The following CKAP5 variants were observed in gnomAD, a reference collection of about 807,000 sequenced individuals.
CKAP5 encodes the protein cytoskeleton associated protein 5.
CKAP5 carries 27 observed loss-of-function variants against 232.8 expected under a neutral mutation model. That is an observed-to-expected ratio of 0.12 (90% CI 0.09 to 0.16). The LOEUF is 0.16. Ranked by LOEUF, CKAP5 falls within the 10% of genes least tolerant of loss-of-function variation. The pLI, the probability that CKAP5 is intolerant of heterozygous loss-of-function variation, is 1.00. For synonymous variants in CKAP5, 785 were observed against 841.1 expected (o/e 0.93, Z 1.16); for missense variants, 1,838 against 2,424.7 (o/e 0.76, Z 5.08).
intron 16 of CKAP5, among the ~76,000 whole-genome samples, chr11:46,786,978 C>T (rs1451806463): frequency 2.0e-5 from 3 of 152,126 alleles, no homozygotes; most frequent in Non-Finnish European, 4.4e-5. Context: ...TGAGATTACA[C>T]TTCATACTGT....
At chr11:46,791,139 TTAA>T (rs769552516) in intron 13 of CKAP5, among the ~76,000 whole-genome samples, 23 of 152,166 alleles carry the variant, frequency 1.5e-4, no homozygotes, top group Admixed American at 7.9e-4. Context: ...GAATTTAGAA[TTAA>T]TGAGATAAAT....
chr11:46,755,629 A>G (rs560138072), intron 35 of CKAP5, among the ~76,000 whole-genome samples: 13 of 151,868 alleles, frequency 8.6e-5, no homozygotes, highest in African/African-American at 2.9e-4. Flanking sequence ...AGTTCAGGGA[A>G]TAATAATCCT....
intron 12 of CKAP5, among the ~76,000 whole-genome samples, chr11:46,796,198 A>C (rs993267223): frequency 6.6e-6 from 1 of 151,494 alleles, no homozygotes; most frequent in Non-Finnish European, 1.5e-5. Context: ...ATTTTCAGAG[A>C]AAAAATTTCC....
intron 15 of CKAP5, 73 bp from the exon 16 acceptor site, chr11:46,788,846 CAAGT>C (rs2065421580): frequency 3.8e-6 from 4 of 1,054,170 alleles, no homozygotes; most frequent in Middle Eastern, 2.0e-4. Context: ...ATACCAAAGT[CAAGT>C]AAGTGGTTAC....
At chr11:46,767,918 T>C (rs766367223) in intron 26 of CKAP5, among the ~76,000 whole-genome samples, 20 of 151,532 alleles carry the variant, frequency 1.3e-4, no homozygotes, top group Admixed American at 3.3e-4. Context: ...TCAGCCTCCC[T>C]AGTAGCTGGG....
chr11:46,798,025 A>C, intron 10 of CKAP5, 56 bp from the exon 11 acceptor site: 1 of 1,605,230 alleles, frequency 6.2e-7, no homozygotes, highest in Admixed American at 1.7e-5. Flanking sequence ...AACAATCAAA[A>C]TATTATATTT....
In CKAP5 at chr11:46,816,153, T is replaced by C. The variant is rs768707210; in HGVS notation, c.458+45A>G. The C allele has an allele frequency of 4.6e-6, 7 of 1,511,496 alleles. 1 individual carries two copies. The highest frequency in any genetic ancestry group is 2.3e-5 in the South Asian group (2 of 87,350). 93.6% of individuals were successfully genotyped at this position (1,511,496 alleles called of 1,614,324 possible). ...AAACTGGTCCCTGGTGCCAAAAAGGTTGGGGACTGCTGCTCTAGTTAACAA... is the reference window on the plus strand; with the variant it reads ...AAACTGGTCCCTGGTGCCAAAAAGGCTGGGGACTGCTGCTCTAGTTAACAA... On this transcript the variant is annotated intron_variant, in intron 4 of 43. Coordinates refer to ENST00000529230, the MANE Select transcript of CKAP5 (RefSeq NM_001008938.4).
chr11:46,752,485 T>G, intron 38 of CKAP5, 150 bp downstream of exon 38: 1 of 504,218 alleles, frequency 2.0e-6, no homozygotes, highest in South Asian at 2.9e-5. Flanking sequence ...TAAAAATTTA[T>G]TAATATTTTT....
chr11:46,796,269 T>C (rs1003759886), intron 12 of CKAP5, among the ~76,000 whole-genome samples: 18 of 151,686 alleles, frequency 1.2e-4, no homozygotes, highest in Non-Finnish European at 1.8e-4. Flanking sequence ...ATACGTAAGA[T>C]ATTAATCTTA....
At chr11:46,773,548 CT>C (rs906668092) in intron 24 of CKAP5, among the ~76,000 whole-genome samples, 68 of 140,210 alleles carry the variant, frequency 4.8e-4, no homozygotes, top group East Asian at 1.5e-3. Context: ...TGCAACTGGA[CT>C]TTTTTTTTTT....
intron 1 of CKAP5, among the ~76,000 whole-genome samples, chr11:46,842,966 CA>C (rs60343444): frequency 0.19 from 7,342 of 39,514 alleles, 177 homozygotes; most frequent in East Asian, 0.46. Context: ...GACTCCGTCT[CA>C]AAAAAAAAAA....
rs748771459 is a variant in CKAP5, at chr11:46,763,191, A to G, written c.3688-12T>C. On this transcript the variant is annotated splice_polypyrimidine_tract_variant and intron_variant, in intron 29 of 43. Coordinates refer to ENST00000529230, the MANE Select transcript of CKAP5 (RefSeq NM_001008938.4). ...TCACTCTCCAAGTGCTTAAAATAAA[A>G]CAAAACAAAACTCCCACAAATAAGA... is the stretch of plus-strand genomic sequence containing the variant. 2 of 1,544,374 alleles carry G rather than the reference A, an allele frequency of 1.3e-6. No individual in the cohort carries two copies. The highest frequency in any genetic ancestry group is 1.4e-5 in the African/African-American group (1 of 72,014).
At position 46,784,521 on chromosome 11, in the gene CKAP5, G is replaced by A. The variant is rs72895824; in HGVS notation, c.2121C>T (p.Ala707=). The A allele has an allele frequency of 6.8e-3, 11,009 of 1,613,984 alleles. 53 individuals are homozygous for A. The highest frequency in any genetic ancestry group is 8.2e-3 in the Non-Finnish European group (9,622 of 1,179,920). The stretch of plus-strand genomic sequence containing the variant: ...CAGTCCATGGTAACATACAGGCTTC[G>A]GCTATTGCTGTCATAGCTTCTTTTG... ...NNAKEAMTAI[A]EACMLPWTAE... Residue 707 remains alanine (A), a synonymous_variant, in exon 17 of 44, where the codon GCC becomes GCT. Transcript: ENST00000529230.
chr11:46,805,879 G>A (rs1368546463), intron 8 of CKAP5, among the ~76,000 whole-genome samples: 2 of 152,206 alleles, frequency 1.3e-5, no homozygotes, highest in East Asian at 3.8e-4. Context: ...AGAGGTTGCA[G>A]TGAGCCGAGA....
intron 16 of CKAP5, among the ~76,000 whole-genome samples, chr11:46,786,026 A>G (rs1270385222): frequency 6.6e-6 from 1 of 152,194 alleles, no homozygotes; most frequent in Non-Finnish European, 1.5e-5. Context: ...CAAACCAAAA[A>G]ACAAACCAAA....
intron 1 of CKAP5, among the ~76,000 whole-genome samples, chr11:46,829,469 CAGAA>C (rs767945426): frequency 6.6e-6 from 1 of 152,168 alleles, no homozygotes; most frequent in East Asian, 1.9e-4. Flanking sequence ...TGCCTGAGCC[CAGAA>C]AGAGTGAGCC....
chr11:46,776,244 A>G lies in CKAP5; in HGVS notation c.2991+11T>C. 1 of 1,612,404 alleles carries G rather than the reference A, an allele frequency of 6.2e-7. No homozygotes were observed. The highest frequency in any genetic ancestry group is 8.5e-7 in the Non-Finnish European group (1 of 1,179,136). ...CATGAGTAATGCACATGATTAATTT[A>G]TGATACTAACCTCTTGCCTCAAGAA... On this transcript the variant is annotated intron_variant, in intron 24 of 43. Coordinates refer to ENST00000529230, the MANE Select transcript of CKAP5 (RefSeq NM_001008938.4).
intron 1 of CKAP5, 77 bp from the exon 2 acceptor site, chr11:46,821,345 A>T: frequency 1.6e-6 from 1 of 606,932 alleles, no homozygotes; most frequent in Non-Finnish European, 2.9e-6. Flanking sequence ...TGAGATTATT[A>T]TTTTATCATT....
At chr11:46,841,711 G>A (rs1940057930) in intron 1 of CKAP5, among the ~76,000 whole-genome samples, 1 of 152,056 alleles carries the variant, frequency 6.6e-6, no homozygotes, top group Non-Finnish European at 1.5e-5. Context: ...TTAAAAAAGT[G>A]ATATGCTGGC....
Sources: allele counts gnomAD v4.1 joint callset (sites outside exome capture counted in the v4.1 genomes callset), GRCh38; gene constraint gnomAD v4.1.1; transcripts MANE v1.5; gene names NCBI Gene and HGNC (gene_info 2026-07-23, HGNC 2026-07-21).